The following KAT14 variants were observed in gnomAD, a reference collection of about 807,000 sequenced individuals.
KAT14 encodes lysine acetyltransferase 14.
Under a neutral mutation model 78.4 loss-of-function variants are expected in KAT14, and 66 were observed. That is an observed-to-expected ratio of 0.84 (90% CI 0.69 to 1.03). The LOEUF (loss-of-function observed/expected upper bound fraction) is 1.03. Among genes scored for constraint, KAT14 ranks in the 50% least tolerant of loss-of-function variants. KAT14 has a pLI of 0.00. For synonymous variants in KAT14, 344 were observed against 359.4 expected (o/e 0.96, Z 0.48); for missense variants, 870 against 972.5 (o/e 0.89, Z 1.40).
At chr20:18,183,451 C>G (rs1018243371) in intron 9 of KAT14, 153 bp downstream of exon 9, 33 of 967,470 alleles carry the variant, frequency 3.4e-5, no homozygotes, top group Non-Finnish European at 4.9e-6. Flanking sequence ...ATACAAATAC[C>G]TCTTGCTTTC....
chr20:18,138,288 G>A, intron 1 of KAT14: 1 of 1,208,514 alleles, frequency 8.3e-7, no homozygotes, highest in Non-Finnish European at 1.0e-6. Flanking sequence ...CGGCTGCCCG[G>A]CTTAGCGCCT....
rs1568669495 is a variant in KAT14 at position 18,164,611 on chromosome 20, C to CTTTTTTTTTTTTTTTTT, written c.1668+1668_1668+1669insTTTTTTTTTTTTTTTTT. On this transcript the variant is annotated intron_variant, in intron 7 of 10. Coordinates refer to ENST00000688188, the MANE Select transcript of KAT14 (RefSeq NM_001392073.1). ...TTTGTTAGTCATCTATTCACTTGTTCTTGTTCTTTTTTTTTTTTTTTTTGA... is the reference window on the plus strand; with the variant it reads ...TTTGTTAGTCATCTATTCACTTGTTCTTTTTTTTTTTTTTTTTTTGTTCTTTTTTTTTTTTTTTTTGA... Among the ~76,000 whole-genome samples, 5 of 42,492 alleles carry CTTTTTTTTTTTTTTTTT rather than the reference C, an allele frequency of 1.2e-4. 2 individuals are homozygous for CTTTTTTTTTTTTTTTTT. The allele number at this position is 42,492 out of a possible 152,430, so 27.9% of individuals were successfully genotyped here. A position where few individuals can be genotyped will look rare whatever the true frequency, so the allele number is the denominator to read the frequency against.
intron 4 of KAT14, among the ~76,000 whole-genome samples, chr20:18,152,374 C>T (rs2038080363): frequency 1.3e-5 from 2 of 152,082 alleles, no homozygotes; most frequent in Admixed American, 6.5e-5. Context: ...GTCTGGAGTT[C>T]GAGACCAGCC....
chr20:18,138,197 C>T, intron 1 of KAT14, 146 bp downstream of exon 1: 3 of 1,267,054 alleles, frequency 2.4e-6, no homozygotes, highest in South Asian at 5.5e-5. Flanking sequence ...GCGTTTGCGG[C>T]TGCGGCCGGC....
chr20:18,138,135 C>T (rs913233441), intron 1 of KAT14, 84 bp downstream of exon 1: 10 of 1,361,960 alleles, frequency 7.3e-6, no homozygotes, highest in African/African-American at 1.5e-5. Context: ...CGCTCGGTTC[C>T]TCAGCTCCTC....
At chr20:18,143,066 A>G in intron 2 of KAT14, 147 bp downstream of exon 2, 1 of 1,426,220 alleles carries the variant, frequency 7.0e-7, no homozygotes, top group Non-Finnish European at 9.2e-7. Flanking sequence ...AAATTTATAT[A>G]AAACATAGGC....
In KAT14 at chr20:18,139,016, A is replaced by AATGTTTACTGTTT. The variant is rs542156507; in HGVS notation, c.-454+966_-454+967insTGTTTACTGTTTA. On this transcript the variant is annotated intron_variant, in intron 1 of 10. Coordinates refer to ENST00000688188, the MANE Select transcript of KAT14 (RefSeq NM_001392073.1). ...TAATGGACTGGATGAATCAAGAGTA[A>AATGTTTACTGTTT]ACAGTCTTTTCTTGATTTGCCTACC... is the stretch of plus-strand genomic sequence containing the variant. Among the ~76,000 whole-genome samples, 5 of 152,324 alleles carry AATGTTTACTGTTT rather than the reference A, an allele frequency of 3.3e-5. 1 individual carries two copies. In the South Asian group the frequency reaches 8.3e-4, roughly 25 times the overall value.
chr20:18,144,237 A>G lies in KAT14; in HGVS notation c.260-996A>G, dbSNP rs568557383. ...ACAGGAAATGCAGAATTTACTAGTT[A>G]GCTGGTTTTTGCTTCTGAGCGGTCT... On this transcript the variant is annotated intron_variant, in intron 2 of 10. Coordinates refer to ENST00000688188, the MANE Select transcript of KAT14 (RefSeq NM_001392073.1). Among the ~76,000 whole-genome samples, 33 of 152,378 alleles carry G rather than the reference A, an allele frequency of 2.2e-4. No individual in the cohort carries two copies. In the South Asian group the frequency reaches 5.6e-3, roughly 26 times the overall value.
intron 4 of KAT14, among the ~76,000 whole-genome samples, chr20:18,154,880 A>C (rs1001848253): frequency 3.9e-5 from 6 of 152,262 alleles, no homozygotes; most frequent in Admixed American, 1.3e-4. Context: ...TTCTTCACTA[A>C]TCAAAACTAT....
chr20:18,144,953 C>A, intron 2 of KAT14: 1 of 562,124 alleles, frequency 1.8e-6, no homozygotes, highest in Non-Finnish European at 2.5e-6. Flanking sequence ...CTCTGGGAGT[C>A]AGGAATGTGA....
At position 18,184,767 on chromosome 20, in the gene KAT14, CT is replaced by C; in HGVS notation, c.2150del (p.Phe717SerfsTer2). On this transcript the variant is annotated frameshift_variant, in exon 10 of 11. Coordinates refer to ENST00000688188, the MANE Select transcript of KAT14 (RefSeq NM_001392073.1). LOFTEE classifies it high-confidence loss of function. Reference protein sequence around the residue: ...HPEWRRAGIATFMIYHLIQTC... With the variant: ...HPEWRRAGIAXFMIYHLIQTC... ...GAATGGAGAAGAGCAGGGATTGCAA[CT>C]TTCATGATCTATCATCTGATTCAGG... is the stretch of plus-strand genomic sequence containing the variant. 1.2e-6 allele frequency: 2 copies of C among 1,608,028 alleles called. No homozygotes were observed. Among genetic ancestry groups the C allele is most frequent in the Non-Finnish European group, 1.7e-6 (2 of 1,178,288 alleles).
intron 7 of KAT14, among the ~76,000 whole-genome samples, chr20:18,167,719 A>G (rs2038690896): frequency 6.6e-6 from 1 of 152,120 alleles, no homozygotes; most frequent in Admixed American, 6.5e-5. Context: ...ATGTTTTGGT[A>G]ATTGATGTGA....
chr20:18,137,863 G>C lies in KAT14; in HGVS notation c.-642G>C. ...GCTGGGGCTCTGCGCTCGAGGGGTCGAGCCTGGGCAGTACAGGCGGCGGTG... is the reference window on the plus strand; with the variant it reads ...GCTGGGGCTCTGCGCTCGAGGGGTCCAGCCTGGGCAGTACAGGCGGCGGTG... On this transcript the variant is annotated 5_prime_UTR_variant, in exon 1 of 11. Coordinates refer to ENST00000688188, the MANE Select transcript of KAT14 (RefSeq NM_001392073.1). The C allele has an allele frequency of 7.9e-7, 1 of 1,270,020 alleles. No individual in the cohort carries two copies. The allele number at this position is 1,270,020 out of a possible 1,614,324, so 78.7% of individuals were successfully genotyped here. A position where few individuals can be genotyped will look rare whatever the true frequency, so the allele number is the denominator to read the frequency against.
chr20:18,150,966 A>G (rs1364514181), intron 4 of KAT14, 24 bp downstream of exon 4: 1 of 1,610,436 alleles, frequency 6.2e-7, no homozygotes, highest in Non-Finnish European at 8.5e-7. Flanking sequence ...AAAAAATCTT[A>G]TACTTCAAGG....
chr20:18,160,338 T>C (rs2038374417), intron 5 of KAT14, among the ~76,000 whole-genome samples: 1 of 152,252 alleles, frequency 6.6e-6, no homozygotes. Flanking sequence ...CTTTTGTGAA[T>C]ACTTTCAGAA....
chr20:18,181,886 G>A (rs1182714792), intron 8 of KAT14, 40 bp downstream of exon 8: 1 of 1,607,184 alleles, frequency 6.2e-7, no homozygotes, highest in Non-Finnish European at 8.5e-7. Context: ...GGTGTGTCAT[G>A]AGGGATAATG....
At position 18,183,285 on chromosome 20, in the gene KAT14, GT is replaced by G. The variant is rs1370640495; in HGVS notation, c.1975del (p.Trp659GlyfsTer35). The G allele has an allele frequency of 1.2e-6, 2 of 1,613,402 alleles. No individual in the cohort carries two copies. Among genetic ancestry groups the G allele is most frequent in the Non-Finnish European group, 1.7e-6 (2 of 1,179,670 alleles). On this transcript the variant is annotated frameshift_variant, in exon 9 of 11. Transcript: ENST00000688188. LOFTEE classifies it high-confidence loss of function. Reference protein sequence around the residue: ...IPTINSMCQEFFWPGIDLSEC... With the variant: ...IPTINSMCQEXFWPGIDLSEC... ...CAACGATCAACTCCATGTGTCAGGA[GT>G]TTTTTTGGCCTGGTATGTTCCCCCT...
chr20:18,172,607 G>T (rs1159387788), intron 7 of KAT14, among the ~76,000 whole-genome samples: 1 of 152,114 alleles, frequency 6.6e-6, no homozygotes, highest in East Asian at 1.9e-4. Flanking sequence ...CCAAAAACTT[G>T]TGCAGCTTGC....
intron 8 of KAT14, 111 bp downstream of exon 8, chr20:18,181,957 A>G: frequency 2.0e-6 from 3 of 1,493,532 alleles, no homozygotes; most frequent in East Asian, 2.3e-5. Flanking sequence ...ACTGTGAACA[A>G]CATTGGCAAG....
Sources: gnomAD v4.1 joint callset for allele counts (sites outside exome capture counted in the v4.1 genomes callset) on GRCh38, gnomAD v4.1.1 for gene constraint, MANE v1.5 for transcripts, NCBI Gene and HGNC (gene_info 2026-07-23, HGNC 2026-07-21) for gene names.